The following MORN1 variants were observed in gnomAD, a reference collection of about 807,000 sequenced individuals.
MORN1 encodes MORN repeat-containing protein 1.
A neutral mutation model predicts 61.9 loss-of-function variants in MORN1; 67 were observed. That is an observed-to-expected ratio of 1.08 (90% CI 0.89 to 1.33). The LOEUF is 1.33. Ranked by LOEUF, MORN1 falls within the 40% of genes most tolerant of loss-of-function variation. The probability of loss-of-function intolerance (pLI) is 0.00; values close to 1 mark genes in which losing one functional copy is unlikely to be tolerated. For missense variants in MORN1, 752 were observed against 691.2 expected (o/e 1.09, Z -0.99); for synonymous variants, 301 against 292.0 (o/e 1.03, Z -0.31).
chr1:2,374,390 G>T, intron 7 of MORN1, 71 bp downstream of exon 7: 1 of 1,380,080 alleles, frequency 7.2e-7, no homozygotes, highest in South Asian at 1.3e-5. Context: ...TTTCCCATAT[G>T]GCTGCCCGGG....
At chr1:2,322,556 G>C in intron 13 of MORN1, 1 of 876,228 alleles carries the variant, frequency 1.1e-6, no homozygotes, top group African/African-American at 1.8e-5. Context: ...AGCTCCTTTA[G>C]AAAAAAAAAA....
intron 12 of MORN1, chr1:2,332,567 G>C (rs1641180791): frequency 2.2e-6 from 1 of 456,144 alleles, no homozygotes; most frequent in Non-Finnish European, 4.4e-6. Context: ...GCAGTGCTGT[G>C]AGGGGCACGG....
intron 8 of MORN1, among the ~76,000 whole-genome samples, chr1:2,368,530 G>A (rs1187060242): frequency 1.3e-5 from 2 of 152,192 alleles, no homozygotes; most frequent in Non-Finnish European, 2.9e-5. Flanking sequence ...GTTGGTGGGC[G>A]TGTCTTATGG....
intron 10 of MORN1, among the ~76,000 whole-genome samples, chr1:2,347,941 T>G (rs1641551291): frequency 1.3e-5 from 2 of 152,168 alleles, no homozygotes; most frequent in Admixed American, 1.3e-4. Context: ...CATCCTCGAG[T>G]GCATTTTACA....
At position 2,323,329 on chromosome 1, in the gene MORN1, A is replaced by G. The variant is rs1569897978; in HGVS notation, c.1297+768T>C. On this transcript the variant is annotated intron_variant, in intron 13 of 13. Coordinates refer to ENST00000378531, the MANE Select transcript of MORN1 (RefSeq NM_024848.3). ...CAGAGGCAGCTCCACGGTGGCATCCAGACCCCAGTGAGCAGCGGGTCCAGA... is the reference window on the plus strand; with the variant it reads ...CAGAGGCAGCTCCACGGTGGCATCCGGACCCCAGTGAGCAGCGGGTCCAGA... 6 of 985,454 alleles carry G rather than the reference A, an allele frequency of 6.1e-6. No individual in the cohort carries two copies. In the African/African-American group the frequency reaches 7.0e-5, roughly 11 times the overall value. 61.0% of individuals were successfully genotyped at this position (985,454 alleles called of 1,614,324 possible).
At chr1:2,322,984 C>T in intron 13 of MORN1, 1 of 985,468 alleles carries the variant, frequency 1.0e-6, no homozygotes, top group South Asian at 4.7e-5. Context: ...TGGCTTAGCC[C>T]CAAGTGGCCC....
intron 8 of MORN1, among the ~76,000 whole-genome samples, chr1:2,369,099 C>G (rs1185191441): frequency 6.6e-6 from 1 of 150,404 alleles, no homozygotes; most frequent in Non-Finnish European, 1.5e-5. Flanking sequence ...TGCCTGTAAT[C>G]CCAGCACTTT....
chr1:2,332,586 C>A (rs59157710), intron 12 of MORN1: 16 of 456,434 alleles, frequency 3.5e-5, no homozygotes, highest in South Asian at 2.5e-4. Flanking sequence ...GGCAGACCTC[C>A]GGCACAGGCC....
chr1:2,336,881 G>A (rs1557871209), intron 10 of MORN1, 31 bp from the exon 11 acceptor site: 8 of 1,525,408 alleles, frequency 5.2e-6, no homozygotes, highest in Admixed American at 2.1e-5. Context: ...AAGACCCTAT[G>A]AGGGGCTCAG....
At chr1:2,383,574 T>G (rs1247308956) in intron 6 of MORN1, among the ~76,000 whole-genome samples, 1 of 152,228 alleles carries the variant, frequency 6.6e-6, no homozygotes, top group Non-Finnish European at 1.5e-5. Context: ...AATGTTGCGT[T>G]TCTCATCAAA....
At chr1:2,354,008 G>A (rs1392234723) in intron 10 of MORN1, among the ~76,000 whole-genome samples, 1 of 152,250 alleles carries the variant, frequency 6.6e-6, no homozygotes, top group Non-Finnish European at 1.5e-5. Flanking sequence ...AAAGAGGCCG[G>A]GCATGGTGGC....
chr1:2,335,546 G>A (rs1415648688), intron 12 of MORN1, among the ~76,000 whole-genome samples: 2 of 152,190 alleles, frequency 1.3e-5, no homozygotes, highest in African/African-American at 4.8e-5. Context: ...GGCCCCCGGT[G>A]CCACCCCTGT....
chr1:2,341,800 C>T (rs569886766), intron 10 of MORN1, among the ~76,000 whole-genome samples: 5 of 152,342 alleles, frequency 3.3e-5, no homozygotes, highest in East Asian at 1.9e-4. Context: ...CTTCGGACAG[C>T]GCAGCGCCCA....
At chr1:2,378,733 A>T (rs1642302641) in intron 6 of MORN1, 1 of 360,560 alleles carries the variant, frequency 2.8e-6, no homozygotes. Context: ...TCCGTCTCCC[A>T]CCGAGGATGT....
chr1:2,336,512 T>C lies in MORN1; in HGVS notation c.1207A>G (p.Arg403Gly). The C allele has an allele frequency of 6.2e-7, 1 of 1,612,712 alleles. No homozygotes were observed. The highest frequency in any genetic ancestry group is 1.3e-5 in the African/African-American group (1 of 75,022). The change falls in exon 12 of 14, where the codon AGG (arginine) becomes GGG (glycine). Residue 403 changes from arginine to glycine, a missense_variant. Coordinates refer to ENST00000378531, the MANE Select transcript of MORN1 (RefSeq NM_024848.3). Reference sequence around the variant, plus strand: ...TCCTGTGCCGTGGGTGGTGTCCCCCTGGGGTGCAGGCCGCCTCTGGATCTG... The same window carrying C: ...TCCTGTGCCGTGGGTGGTGTCCCCCCGGGGTGCAGGCCGCCTCTGGATCTG... ...GGRSRGGLHP[R>G]GTPPTAQEPP...
At chr1:2,365,051 T>C (rs1188711505) in intron 8 of MORN1, among the ~76,000 whole-genome samples, 4 of 152,184 alleles carry the variant, frequency 2.6e-5, no homozygotes, top group African/African-American at 9.7e-5. Flanking sequence ...CAGGCTCTTT[T>C]TTGGTGCCAT....
chr1:2,383,681 C>T lies in MORN1; in HGVS notation c.537+1297G>A, dbSNP rs944495112. On this transcript the variant is annotated intron_variant, in intron 6 of 13. Transcript: ENST00000378531. Reference sequence around the variant, plus strand: ...CCTGCGCTGCGTTTAGAGACCTGCACGCGTGGTTCCTATCTGTTAGTGCTG... The same window carrying T: ...CCTGCGCTGCGTTTAGAGACCTGCATGCGTGGTTCCTATCTGTTAGTGCTG... Among the ~76,000 whole-genome samples the T allele has an allele frequency of 3.9e-5, 6 of 152,090 alleles. 1 individual carries two copies. Among genetic ancestry groups the T allele is most frequent in the Non-Finnish European group, 5.9e-5 (4 of 68,022 alleles).
At position 2,372,407 on chromosome 1, in the gene MORN1, T is replaced by A; in HGVS notation, c.745+74A>T. 1 of 1,185,800 alleles carries A rather than the reference T, an allele frequency of 8.4e-7. No individual in the cohort carries two copies. Among genetic ancestry groups the A allele is most frequent in the African/African-American group, 1.5e-5 (1 of 65,680 alleles). 73.5% of individuals were successfully genotyped at this position (1,185,800 alleles called of 1,614,324 possible). On this transcript the variant is annotated intron_variant, in intron 8 of 13. Coordinates refer to ENST00000378531, the MANE Select transcript of MORN1 (RefSeq NM_024848.3). This position sits in a 1 kb window ranked among gnomAD's most constrained non-coding sequence, Gnocchi z 5.4. ...AGCCACATGCAACATCTCGTCCGCA[T>A]CTTCACTGCTTAAGAACCTGCTGCC...
intron 12 of MORN1, chr1:2,326,406 C>G (rs949055504): frequency 1.3e-5 from 2 of 152,014 alleles, no homozygotes; most frequent in Non-Finnish European, 2.9e-5. Context: ...TTACAGAACC[C>G]CCAGGGCTTT....
Sources: allele counts gnomAD v4.1 joint callset (sites outside exome capture counted in the v4.1 genomes callset), GRCh38; gene constraint gnomAD v4.1.1; non-coding constraint Gnocchi (gnomAD v3.1); transcripts MANE v1.5; gene names NCBI Gene and HGNC (gene_info 2026-07-23, HGNC 2026-07-21).